The following ACOX3 variants were observed in gnomAD, a reference collection of about 807,000 sequenced individuals.
The protein encoded by ACOX3 is acyl-CoA oxidase 3, pristanoyl.
ACOX3 carries 73 observed loss-of-function variants against 81.5 expected under a neutral mutation model. The observed-to-expected ratio is 0.90, with a 90% CI of 0.74 to 1.09. The LOEUF is 1.09. ACOX3 is among the 50% of genes least tolerant of loss of function. The probability of loss-of-function intolerance (pLI) is 0.00; values close to 1 mark genes in which losing one functional copy is unlikely to be tolerated. For synonymous variants in ACOX3, 387 were observed against 375.1 expected, an observed-to-expected ratio of 1.03 and a Z score of -0.37; for missense variants, 947 against 928.0, an observed-to-expected ratio of 1.02 and a Z score of -0.27.
chr4:8,403,778 A>G (rs989703649), intron 7 of ACOX3, among the ~76,000 whole-genome samples: 1 of 152,344 alleles, frequency 6.6e-6, no homozygotes, highest in East Asian at 1.9e-4. Context: ...TTAGGGGGGA[A>G]CCAAGTGCAG....
intron 16 of ACOX3, 148 bp downstream of exon 16, chr4:8,373,413 A>C (rs1348993788): frequency 2.6e-5 from 20 of 770,068 alleles, no homozygotes; most frequent in African/African-American, 2.2e-4. Context: ...GGGTGCGTGT[A>C]GGCTCTGGGT....
Position 8,389,047 on chromosome 4 carries a change from G to A in ACOX3, c.1537+126C>T, listed in dbSNP as rs1190359388. The A allele has an allele frequency of 4.2e-6, 3 of 710,232 alleles. No individual in the cohort carries two copies. The highest frequency in any genetic ancestry group is 1.7e-5 in the South Asian group (1 of 57,268). The allele number at this position is 710,232 out of a possible 1,614,324, so 44.0% of individuals were successfully genotyped here. A position where few individuals can be genotyped will look rare whatever the true frequency, so the allele number is the denominator to read the frequency against. On this transcript the variant is annotated intron_variant, in intron 13 of 17. Transcript: ENST00000356406. The surrounding 1 kb of genome is among the most constrained non-coding windows in gnomAD (Gnocchi z 5.3). ...CAGCCCAGGACAAGCTGCATGCGGGGCCTCCCACCACCACTGCTGCCCCGG... is the reference window on the plus strand; with the variant it reads ...CAGCCCAGGACAAGCTGCATGCGGGACCTCCCACCACCACTGCTGCCCCGG...
Position 8,370,874 on chromosome 4 carries a change from G to C in ACOX3, c.1983+34C>G, listed in dbSNP as rs1173635507. ...TCCGCAGAAATGCCCATCAACCCTT[G>C]GGGCACTCCCGTGAGGCCCTGTCCT... On this transcript the variant is annotated intron_variant, in intron 17 of 17. Transcript: ENST00000356406. The surrounding 1 kb of genome is among the most constrained non-coding windows in gnomAD (Gnocchi z 6.3). The C allele has an allele frequency of 6.3e-7, 1 of 1,591,624 alleles. No individual in the cohort carries two copies. Among genetic ancestry groups the C allele is most frequent in the Non-Finnish European group, 8.6e-7 (1 of 1,161,112 alleles).
At chr4:8,435,216 C>T (rs1225079552) in intron 1 of ACOX3, among the ~76,000 whole-genome samples, 1 of 152,254 alleles carries the variant, frequency 6.6e-6, no homozygotes, top group Middle Eastern at 3.4e-3. Context: ...TTTTGCTGGG[C>T]GCGGTGGCTC....
Position 8,414,331 on chromosome 4 carries a change from C to T in ACOX3, c.504G>A (p.Lys168=). The change falls in exon 5 of 18, where the codon AAG becomes AAA. Residue 168 remains lysine (K), a synonymous_variant. Transcript: ENST00000356406. The surrounding 1 kb of genome is among the most constrained non-coding windows in gnomAD (Gnocchi z 6.1). ...CGTAGTGGGCAGTTGTGCGAATGGC[C>T]TTGGTATTACTGCCGTGGCTTAATT... ...LTELSHGSNT[K]AIRTTAHYDP... is the part of the protein sequence containing the mutation. 1.2e-6 allele frequency: 2 copies of T among 1,614,158 alleles called. No individual in the cohort carries two copies. The highest frequency in any genetic ancestry group is 1.7e-5 in the Admixed American group (1 of 60,020).
At chr4:8,391,771 C>T (rs1350480903) in intron 11 of ACOX3, among the ~76,000 whole-genome samples, 1 of 152,208 alleles carries the variant, frequency 6.6e-6, no homozygotes. Flanking sequence ...AGTTACCAGG[C>T]TGTTAGATGG....
intron 16 of ACOX3, among the ~76,000 whole-genome samples, chr4:8,371,559 T>C (rs866357071): frequency 6.6e-6 from 1 of 152,214 alleles, no homozygotes; most frequent in Non-Finnish European, 1.5e-5. Context: ...CCTTAAAATA[T>C]GATGAAATGC....
Position 8,369,697 on chromosome 4 carries a change from C to T in ACOX3, c.1983+1211G>A, listed in dbSNP as rs1322937155. ...GGCGCTGGGCCCTCCCTGGCTAAGC[C>T]GGTAAGGGCTCATGTACAGACTTCA... On this transcript the variant is annotated intron_variant, in intron 17 of 17. Transcript: ENST00000356406. 3.3e-5 allele frequency among the ~76,000 whole-genome samples: 5 copies of T among 152,236 alleles called. No homozygotes were observed. The East Asian group carries it at 7.7e-4, about 23-fold the overall frequency.
At chr4:8,410,938 G>T (rs1313902369) in intron 5 of ACOX3, among the ~76,000 whole-genome samples, 1 of 152,244 alleles carries the variant, frequency 6.6e-6, no homozygotes, top group South Asian at 2.1e-4. Context: ...GCATCACAGC[G>T]TTCGGTGTTT....
intron 13 of ACOX3, among the ~76,000 whole-genome samples, chr4:8,383,978 G>A (rs1307825683): frequency 6.6e-6 from 1 of 152,184 alleles, no homozygotes; most frequent in East Asian, 1.9e-4. Context: ...CCACACCAGA[G>A]GCCCCCGTGT....
intron 13 of ACOX3, among the ~76,000 whole-genome samples, chr4:8,383,766 C>G (rs1042656987): frequency 6.6e-6 from 1 of 152,218 alleles, no homozygotes; most frequent in African/African-American, 2.4e-5. Context: ...CATTTTGCAA[C>G]CAATGCTGAG....
intron 17 of ACOX3, among the ~76,000 whole-genome samples, chr4:8,369,249 A>G (rs1436001218): frequency 6.6e-6 from 1 of 151,960 alleles, no homozygotes; most frequent in Non-Finnish European, 1.5e-5. Context: ...GTCCCTTCGA[A>G]TGCCTGTCTG....
intron 1 of ACOX3, among the ~76,000 whole-genome samples, chr4:8,436,773 G>C (rs1004227653): frequency 6.6e-6 from 1 of 151,488 alleles, no homozygotes; most frequent in African/African-American, 2.4e-5. Context: ...CAAGAGGTCA[G>C]GAGATCGAGA....
At position 8,385,032 on chromosome 4, in the gene ACOX3, C is replaced by T. The variant is rs1718139111; in HGVS notation, c.1538-3425G>A. Among the ~76,000 whole-genome samples the T allele has an allele frequency of 6.6e-6, 1 of 152,164 alleles. No homozygotes were observed. Among genetic ancestry groups the T allele is most frequent in the Non-Finnish European group, 1.5e-5 (1 of 68,020 alleles). On this transcript the variant is annotated intron_variant, in intron 13 of 17. Coordinates refer to ENST00000356406, the MANE Select transcript of ACOX3 (RefSeq NM_003501.3). This position sits in a 1 kb window ranked among gnomAD's most constrained non-coding sequence, Gnocchi z 5.5. ...TGTGGCCCCCCACACGCAGCAGCCC[C>T]CCACCGAGGGCACCATGGCCTGGCC...
chr4:8,365,066 G>A (rs879368684), downstream of ACOX3, among the ~76,000 whole-genome samples: 4 of 152,198 alleles, frequency 2.6e-5, no homozygotes, highest in Non-Finnish European at 2.9e-5. Flanking sequence ...CATCCTATGA[G>A]GGGGACCCCT....
intron 14 of ACOX3, among the ~76,000 whole-genome samples, chr4:8,378,302 G>T (rs551794936): frequency 1.3e-5 from 2 of 152,348 alleles, no homozygotes; most frequent in Admixed American, 1.3e-4. Context: ...GCGAGCTGGG[G>T]GACCTTGGGC....
chr4:8,372,423 C>T (rs559237324), intron 16 of ACOX3, among the ~76,000 whole-genome samples: 6 of 152,256 alleles, frequency 3.9e-5, no homozygotes, highest in African/African-American at 7.2e-5. Flanking sequence ...AACACCTCCC[C>T]GCTATGCCCC....
At chr4:8,420,680 A>G (rs1034839508) in intron 1 of ACOX3, among the ~76,000 whole-genome samples, 4 of 152,034 alleles carry the variant, frequency 2.6e-5, no homozygotes, top group African/African-American at 7.2e-5. Context: ...ACTCTATTAA[A>G]TCTTGCAACT....
At chr4:8,417,112 C>A (rs1226572053) in intron 1 of ACOX3, among the ~76,000 whole-genome samples, 1 of 152,266 alleles carries the variant, frequency 6.6e-6, no homozygotes, top group Non-Finnish European at 1.5e-5. Context: ...ACACAGCAGG[C>A]CTCCCAAAAC....
Sources: gnomAD v4.1 joint callset for allele counts (sites outside exome capture counted in the v4.1 genomes callset) on GRCh38, gnomAD v4.1.1 for gene constraint, Gnocchi (gnomAD v3.1) non-coding constraint, MANE v1.5 for transcripts, NCBI Gene and HGNC (gene_info 2026-07-23, HGNC 2026-07-21) for gene names.